Variants in LARGE1 observed in about 807,000 individuals in gnomAD.
The protein encoded by LARGE1 is xylosyl- and glucuronyltransferase LARGE1.
Under a neutral mutation model 87.6 loss-of-function variants are expected in LARGE1, and 43 were observed. The observed-to-expected ratio is 0.49, with a 90% confidence interval of 0.38 to 0.63. The LOEUF is 0.63. LARGE1 is among the 30% of genes least tolerant of loss of function. The pLI, the probability that LARGE1 is intolerant of heterozygous loss-of-function variation, is 0.00. For missense variants in LARGE1, 802 were observed against 1,000.2 expected, an observed-to-expected ratio of 0.80 and a Z score of 2.67; for synonymous variants, 434 against 394.6, an observed-to-expected ratio of 1.10 and a Z score of -1.18.
At chr22:33,783,673 T>C (rs763656018) in intron 1 of LARGE1, among the ~76,000 whole-genome samples, 1 of 152,224 alleles carries the variant, frequency 6.6e-6, no homozygotes, top group Non-Finnish European at 1.5e-5. Flanking sequence ...TTGTTGTTGT[T>C]GATTTAATCA....
At chr22:33,363,632 T>G (rs1488746303) in intron 9 of LARGE1, among the ~76,000 whole-genome samples, 2 of 149,726 alleles carry the variant, frequency 1.3e-5, no homozygotes, top group East Asian at 3.9e-4. Context: ...ATACCATGTT[T>G]TTTCCTATAC....
At chr22:33,863,345 C>T (rs183824457) in intron 1 of LARGE1, among the ~76,000 whole-genome samples, 30 of 152,266 alleles carry the variant, frequency 2.0e-4, no homozygotes, top group South Asian at 6.2e-4. Flanking sequence ...GGGTCCCTGC[C>T]GTCTCGGCTT....
intron 4 of LARGE1, among the ~76,000 whole-genome samples, chr22:33,625,752 T>C (rs1275392462): frequency 1.3e-5 from 2 of 152,126 alleles, no homozygotes; most frequent in Admixed American, 1.3e-4. Flanking sequence ...AATCTCCTCT[T>C]TTTTTTAAAG....
chr22:33,084,210 G>C, the LARGE1 span, among the ~76,000 whole-genome samples: 1 of 152,138 alleles, frequency 6.6e-6, no homozygotes, highest in East Asian at 1.9e-4. Flanking sequence ...CCCAAGCTGA[G>C]TTAGGTACAC....
intron 7 of LARGE1, among the ~76,000 whole-genome samples, chr22:33,402,717 T>C (rs910556612): frequency 7.2e-5 from 11 of 152,214 alleles, no homozygotes; most frequent in Admixed American, 6.5e-4. Flanking sequence ...TAAGGGACTA[T>C]TGTTATTACC....
chr22:33,198,860 T>C (rs1229339675), intron 11 of LARGE1, among the ~76,000 whole-genome samples: 1 of 152,236 alleles, frequency 6.6e-6, no homozygotes, highest in African/African-American at 2.4e-5. Context: ...TTTGGGTATA[T>C]ACCCAGTAGT....
chr22:33,776,750 C>T (rs528711055), intron 1 of LARGE1, among the ~76,000 whole-genome samples: 5 of 152,314 alleles, frequency 3.3e-5, no homozygotes, highest in South Asian at 4.1e-4. Flanking sequence ...ACTTGTCTAA[C>T]GTGCAGTGTA....
At chr22:33,483,402 T>G (rs1244118144) in intron 6 of LARGE1, among the ~76,000 whole-genome samples, 1 of 152,128 alleles carries the variant, frequency 6.6e-6, no homozygotes, top group African/African-American at 2.4e-5. Context: ...GGAAACACAC[T>G]GATATTGGGG....
At chr22:33,129,758 G>A in the LARGE1 span, among the ~76,000 whole-genome samples, 1 of 152,156 alleles carries the variant, frequency 6.6e-6, no homozygotes, top group Non-Finnish European at 1.5e-5. Context: ...GATGGATTGA[G>A]TGCAGGCAGA....
chr22:33,656,057 G>A (rs1056230736), intron 2 of LARGE1, among the ~76,000 whole-genome samples: 1 of 101,292 alleles, frequency 9.9e-6, no homozygotes, highest in African/African-American at 4.2e-5. Flanking sequence ...GCATAAGCAT[G>A]AGTGTGTGTG....
intron 1 of LARGE1, among the ~76,000 whole-genome samples, chr22:33,834,340 T>C (rs956367284): frequency 2.0e-5 from 3 of 152,208 alleles, no homozygotes; most frequent in Non-Finnish European, 2.9e-5. Flanking sequence ...CCTGCACGTA[T>C]ACATCCAAAT....
chr22:33,751,598 T>C (rs906208662), intron 2 of LARGE1, among the ~76,000 whole-genome samples: 2 of 152,200 alleles, frequency 1.3e-5, no homozygotes, highest in African/African-American at 4.8e-5. Flanking sequence ...CTACCAGAGT[T>C]AACCACCATC....
At chr22:33,457,139 A>G (rs905520425) in intron 6 of LARGE1, among the ~76,000 whole-genome samples, 4 of 151,950 alleles carry the variant, frequency 2.6e-5, no homozygotes, top group Admixed American at 1.3e-4. Context: ...TTATTTATTT[A>G]TTGAGACGGC....
At chr22:33,886,617 G>A (rs2064852032) in intron 1 of LARGE1, among the ~76,000 whole-genome samples, 1 of 124,436 alleles carries the variant, frequency 8.0e-6, no homozygotes, top group African/African-American at 3.0e-5. Flanking sequence ...GTTGCAGTGA[G>A]CCGAGATCAT....
At chr22:33,412,215 C>T (rs1011110096) in intron 7 of LARGE1, among the ~76,000 whole-genome samples, 1 of 151,988 alleles carries the variant, frequency 6.6e-6, no homozygotes, top group East Asian at 1.9e-4. Context: ...ACCCGGGAGG[C>T]GGAGGTTGCA....
At chr22:33,189,518 G>T (rs1382507649) in intron 11 of LARGE1, among the ~76,000 whole-genome samples, 1 of 152,066 alleles carries the variant, frequency 6.6e-6, no homozygotes, top group African/African-American at 2.4e-5. Flanking sequence ...TTTTTATTGC[G>T]CTGCTTTCTA....
intron 8 of LARGE1, among the ~76,000 whole-genome samples, chr22:33,383,443 C>CAAAAA (rs2065223869): frequency 2.0e-5 from 3 of 152,020 alleles, no homozygotes; most frequent in Non-Finnish European, 2.9e-5. Flanking sequence ...GCCTGTAATC[C>CAAAAA]TAGCGACTTG....
At position 33,816,729 on chromosome 22, in the gene LARGE1, C is replaced by CAGAT. The variant is rs1457590222; in HGVS notation, c.-82-55172_-82-55171insATCT. On this transcript the variant is annotated intron_variant, in intron 1 of 14. Transcript: ENST00000397394. ...ACAGACAGACAGACAGACAGACAGA[C>CAGAT]AGACAGATACAGAAAGACAGATACA... is the stretch of plus-strand genomic sequence containing the variant. Among the ~76,000 whole-genome samples, 267 of 150,284 alleles carry CAGAT rather than the reference C, an allele frequency of 1.8e-3. 2 individuals are homozygous for CAGAT. The highest frequency in any genetic ancestry group is 4.1e-3 in the East Asian group (21 of 5,126).
intron 1 of LARGE1, among the ~76,000 whole-genome samples, chr22:33,875,144 C>T (rs1307983031): frequency 6.6e-6 from 1 of 152,200 alleles, no homozygotes; most frequent in Non-Finnish European, 1.5e-5. Flanking sequence ...AGAACCATTG[C>T]CTCCAGAGGG....
Sources: allele counts gnomAD v4.1 joint callset (sites outside exome capture counted in the v4.1 genomes callset), GRCh38; gene constraint gnomAD v4.1.1; transcripts MANE v1.5; gene names NCBI Gene and HGNC (gene_info 2026-07-23, HGNC 2026-07-21).